SMKR1: variants seen among roughly 807,000 people sequenced by gnomAD.
SMKR1 encodes small lysine-rich protein 1.
SMKR1 carries 4 observed loss-of-function variants against 4.0 expected under a neutral mutation model. The ratio of observed to expected loss-of-function variants is 1.00; its 90% CI spans 0.49 to 2.30. The LOEUF is 2.30. Among genes scored for constraint, SMKR1 ranks in the 30% most tolerant of loss-of-function variants. SMKR1 has a pLI of 0.02. For synonymous variants in SMKR1, 38 were observed against 32.5 expected, an observed-to-expected ratio of 1.17 and a Z score of -0.58; for missense variants, 56 against 81.8, an observed-to-expected ratio of 0.68 and a Z score of 1.22.
At chr7:129,507,863 G>A (rs1408091611) in intron 1 of SMKR1, among the ~76,000 whole-genome samples, 1 of 152,092 alleles carries the variant, frequency 6.6e-6, no homozygotes, top group Non-Finnish European at 1.5e-5. Flanking sequence ...TTATTGAGTG[G>A]TTTTCTTACT....
chr7:129,510,333 G>A (rs1399286777), intron 1 of SMKR1, among the ~76,000 whole-genome samples: 1 of 152,212 alleles, frequency 6.6e-6, no homozygotes, highest in African/African-American at 2.4e-5. Flanking sequence ...CGAGCCTGGT[G>A]GACACTGGTT....
intron 1 of SMKR1, among the ~76,000 whole-genome samples, chr7:129,503,658 C>G (rs1210334039): frequency 2.0e-5 from 3 of 152,182 alleles, no homozygotes; most frequent in African/African-American, 7.2e-5. Context: ...TGCACCTCAC[C>G]TCTGGTGCTT....
At chr7:129,507,523 C>T (rs1263421589) in intron 1 of SMKR1, among the ~76,000 whole-genome samples, 1 of 152,190 alleles carries the variant, frequency 6.6e-6, no homozygotes, top group African/African-American at 2.4e-5. Context: ...TGAACATATG[C>T]TTTCATTTCC....
chr7:129,504,218 T>G (rs1253049191), intron 1 of SMKR1, among the ~76,000 whole-genome samples: 1 of 152,234 alleles, frequency 6.6e-6, no homozygotes, highest in Admixed American at 6.5e-5. Flanking sequence ...GCTCCTTGAA[T>G]GAGGGTCAAA....
In SMKR1 at chr7:129,502,572, C is replaced by T. The variant is rs1562926896; in HGVS notation, c.-253C>T. 2.4e-6 allele frequency: 1 copy of T among 411,970 alleles called. No homozygotes were observed. Among genetic ancestry groups the T allele is most frequent in the Non-Finnish European group, 4.2e-6 (1 of 238,456 alleles). The allele number at this position is 411,970 out of a possible 1,614,324, so 25.5% of individuals were successfully genotyped here. On this transcript the variant is annotated 5_prime_UTR_variant, in exon 1 of 2. Coordinates refer to ENST00000462322, the MANE Select transcript of SMKR1 (RefSeq NM_001195243.2). ...CCCACAGCTGCGGCGGCCTAGGTGC[C>T]GCGTGGGGCAAGCAGGTGCCTCGCG... is the stretch of plus-strand genomic sequence containing the variant.
intron 1 of SMKR1, among the ~76,000 whole-genome samples, chr7:129,503,870 C>T (rs1033203302): frequency 2.5e-4 from 35 of 137,816 alleles, no homozygotes; most frequent in Non-Finnish European, 3.8e-4. Flanking sequence ...CTTTGTCACA[C>T]AGGCTGGAGT....
At position 129,512,773 on chromosome 7, in the gene SMKR1, A is replaced by C. The variant is rs1799540449; in HGVS notation, c.*332A>C. On this transcript the variant is annotated 3_prime_UTR_variant, in exon 2 of 2. Transcript: ENST00000462322. ...GCTCTCAGAAGGCAGTTCTAGTTGC[A>C]TTAATTGTTTTCTTTTGCCAAAGAG... The C allele has an allele frequency of 5.0e-6, 1 of 201,206 alleles. No homozygotes were observed. The highest frequency in any genetic ancestry group is 2.3e-5 in the African/African-American group (1 of 43,394). 12.5% of individuals were successfully genotyped at this position (201,206 alleles called of 1,614,324 possible).
intron 1 of SMKR1, among the ~76,000 whole-genome samples, chr7:129,504,709 G>T (rs899545816): frequency 2.0e-5 from 3 of 152,094 alleles, no homozygotes; most frequent in African/African-American, 7.2e-5. Context: ...GTGTGCCACT[G>T]AGCCCAGCTA....
At chr7:129,508,713 G>A (rs976307077) in intron 1 of SMKR1, among the ~76,000 whole-genome samples, 47 of 152,274 alleles carry the variant, frequency 3.1e-4, no homozygotes, top group African/African-American at 9.1e-4. Flanking sequence ...CAGAGTGTGA[G>A]GATTACAGGC....
intron 1 of SMKR1, among the ~76,000 whole-genome samples, chr7:129,511,912 A>G (rs1350308302): frequency 6.6e-6 from 1 of 152,112 alleles, no homozygotes; most frequent in African/African-American, 2.4e-5. Context: ...GCCTGGCAAG[A>G]TGGCTCACAC....
At chr7:129,509,671 G>T (rs187965528) in intron 1 of SMKR1, among the ~76,000 whole-genome samples, 40 of 152,122 alleles carry the variant, frequency 2.6e-4, no homozygotes, top group African/African-American at 9.2e-4. Context: ...CTCCTAAGTA[G>T]CTGGGATTAC....
At chr7:129,509,551 T>A in intron 1 of SMKR1, among the ~76,000 whole-genome samples, 1 of 152,048 alleles carries the variant, frequency 6.6e-6, no homozygotes, top group Non-Finnish European at 1.5e-5. Context: ...TTCAGCAGTT[T>A]TTTTTTTTTA....
chr7:129,502,675 AG>A lies in SMKR1; in HGVS notation c.-148del, dbSNP rs1799422581. 1 of 1,168,842 alleles carries A rather than the reference AG, an allele frequency of 8.6e-7. No individual in the cohort carries two copies. Among genetic ancestry groups the A allele is most frequent in the Non-Finnish European group, 1.2e-6 (1 of 850,462 alleles). 72.4% of individuals were successfully genotyped at this position (1,168,842 alleles called of 1,614,324 possible). ...CGAGGCGTGGCGGGGAGGCGTAGTG[AG>A]GCTGGGCCCGTGGCGGTTCCCTGAG... On this transcript the variant is annotated 5_prime_UTR_variant, in exon 1 of 2. Transcript: ENST00000462322.
At chr7:129,511,187 G>A (rs1265280994) in intron 1 of SMKR1, among the ~76,000 whole-genome samples, 1 of 152,192 alleles carries the variant, frequency 6.6e-6, no homozygotes, top group Non-Finnish European at 1.5e-5. Context: ...TGTAAAACAA[G>A]TGCCAACATA....
At chr7:129,509,610 G>A (rs1405321854) in intron 1 of SMKR1, among the ~76,000 whole-genome samples, 1 of 151,794 alleles carries the variant, frequency 6.6e-6, no homozygotes, top group African/African-American at 2.4e-5. Context: ...GCGTGATCTC[G>A]ACTCACTGCA....
chr7:129,506,015 A>G (rs2151027370), intron 1 of SMKR1, among the ~76,000 whole-genome samples: 1 of 152,338 alleles, frequency 6.6e-6, no homozygotes, highest in South Asian at 2.1e-4. Context: ...GGAAAAGCCA[A>G]GAGCCACAAA....
At chr7:129,502,904 G>A (rs1799425391) in intron 1 of SMKR1, 77 bp downstream of exon 1, 4 of 1,527,124 alleles carry the variant, frequency 2.6e-6, no homozygotes, top group Non-Finnish European at 3.5e-6. Flanking sequence ...AGAGGCGCGG[G>A]CGCCGAGGTC....
intron 1 of SMKR1, among the ~76,000 whole-genome samples, chr7:129,510,781 C>G (rs528997908): frequency 6.6e-6 from 1 of 151,920 alleles, no homozygotes; most frequent in Non-Finnish European, 1.5e-5. Flanking sequence ...TGTCTCACAT[C>G]AGACATGGTG....
At chr7:129,508,741 GC>G (rs1799494388) in intron 1 of SMKR1, among the ~76,000 whole-genome samples, 1 of 152,172 alleles carries the variant, frequency 6.6e-6, no homozygotes, top group African/African-American at 2.4e-5. Flanking sequence ...ATTGCACACA[GC>G]CGGTTCTTTT....
Sources: gnomAD v4.1 joint callset for allele counts (sites outside exome capture counted in the v4.1 genomes callset) on GRCh38, gnomAD v4.1.1 for gene constraint, MANE v1.5 for transcripts, NCBI Gene and HGNC (gene_info 2026-07-23, HGNC 2026-07-21) for gene names.